FLNA: variants seen among roughly 807,000 people sequenced by gnomAD.
FLNA encodes filamin A.
A neutral mutation model predicts 157.6 loss-of-function variants in FLNA; 7 were observed. The observed-to-expected ratio is 0.04, with a 90% CI of 0.03 to 0.08. The LOEUF is 0.08. FLNA is among the 10% of genes least tolerant of loss of function. FLNA has a pLI of 1.00. For missense variants in FLNA, 1,750 were observed against 2,398.4 expected, an observed-to-expected ratio of 0.73 and a Z score of 5.65; for synonymous variants, 1,103 against 1,060.8, an observed-to-expected ratio of 1.04 and a Z score of -0.77.
In FLNA at chrX:154,352,992, A is replaced by T. The variant is rs1557176094; in HGVS notation, c.6226+9T>A. The T allele has an allele frequency of 1.7e-6, 2 of 1,208,833 alleles. No homozygotes were observed. The highest frequency in any genetic ancestry group is 3.5e-5 in the South Asian group (2 of 56,905). On this transcript the variant is annotated intron_variant, in intron 38 of 47. Transcript: ENST00000369850. Reference sequence around the variant, plus strand: ...CTCCCGCCCCAGCTGGTGGGCAGCCACTGCCTACCTGCATCGCGGGTATCA... The same window carrying T: ...CTCCCGCCCCAGCTGGTGGGCAGCCTCTGCCTACCTGCATCGCGGGTATCA...
Position 154,367,686 on chromosome X carries a change from C to A in FLNA, c.675G>T (p.Ala225=), listed in dbSNP as rs375532074. 2.5e-6 allele frequency: 3 copies of A among 1,211,386 alleles called. No homozygotes were observed. The South Asian group carries it at 5.3e-5, about 21-fold the overall frequency. Reference sequence around the variant, plus strand: ...CATCCGCCTGCTGCATGGCCTCTCGCGCATTGGTAACGGGCTTGCTGGCGT... The same window carrying A: ...CATCCGCCTGCTGCATGGCCTCTCGAGCATTGGTAACGGGCTTGCTGGCGT... The part of the protein sequence containing the change: ...SWDASKPVTN[A]REAMQQADDW... The change falls in exon 4 of 48, where the codon GCG becomes GCT. Residue 225 remains alanine (A), a synonymous_variant. Transcript: ENST00000369850.
Position 154,367,855 on chromosome X carries a change from G to A in FLNA, c.609C>T (p.Asp203=), listed in dbSNP as rs1290104856. 1.7e-6 allele frequency: 2 copies of A among 1,210,889 alleles called. No homozygotes were observed. Among genetic ancestry groups the A allele is most frequent in the East Asian group, 3.0e-5 (1 of 33,840 alleles). The part of the protein sequence containing the change: ...QSGRALGALV[D]SCAPGLCPDW... Reference sequence around the variant, plus strand: ...GCGCCCCCTCACCCGGGGCACAGCTGTCCACCAGGGCGCCCAGGGCCCGGC... The same window carrying A: ...GCGCCCCCTCACCCGGGGCACAGCTATCCACCAGGGCGCCCAGGGCCCGGC... The change falls in exon 3 of 48, where the codon GAC becomes GAT. Residue 203 remains aspartate (D), a synonymous_variant. Transcript: ENST00000369850.
chrX:154,365,771 G>C (rs2067753878), intron 9 of FLNA, among the ~76,000 whole-genome samples: 1 of 110,859 alleles, frequency 9.0e-6, no homozygotes, highest in Non-Finnish European at 1.9e-5. Flanking sequence ...AGAGCAGAGA[G>C]CAGCAGGTTT....
At chrX:154,370,330 G>A (rs1311910463) in intron 2 of FLNA, among the ~76,000 whole-genome samples, 1 of 110,890 alleles carries the variant, frequency 9.0e-6, no homozygotes, top group Non-Finnish European at 1.9e-5. Flanking sequence ...GTGTGTGTGT[G>A]GGGGGGTAGA....
intron 20 of FLNA, 36 bp from the exon 21 acceptor site, chrX:154,361,606 C>T: frequency 8.3e-7 from 1 of 1,210,911 alleles, no homozygotes; most frequent in Non-Finnish European, 1.1e-6. Context: ...AGAGACATGA[C>T]ACCCAGCTCA....
intron 38 of FLNA, 38 bp downstream of exon 38, chrX:154,352,963 A>C: frequency 8.3e-7 from 1 of 1,210,624 alleles, no homozygotes; most frequent in African/African-American, 1.7e-5. Flanking sequence ...TGCTATGCAC[A>C]GTGCTCCCGC....
At chrX:154,367,363 G>C (rs782566665) in intron 5 of FLNA, 34 bp downstream of exon 5, 1 of 1,202,147 alleles carries the variant, frequency 8.3e-7, no homozygotes, top group African/African-American at 1.7e-5. Flanking sequence ...GAAGACGTTG[G>C]CACACGGGTG....
intron 35 of FLNA, 26 bp from the exon 36 acceptor site, chrX:154,353,753 G>C (rs781994555): frequency 5.4e-5 from 65 of 1,202,717 alleles, no homozygotes; most frequent in Non-Finnish European, 7.2e-5. Flanking sequence ...GGTGAGCATG[G>C]GAACTATGCT....
At chrX:154,363,521 T>C (rs2067729793) in intron 15 of FLNA, among the ~76,000 whole-genome samples, 1 of 110,627 alleles carries the variant, frequency 9.0e-6, no homozygotes, top group African/African-American at 3.3e-5. Flanking sequence ...GACACCATCC[T>C]GGCTAACACA....
In FLNA at chrX:154,357,394, C is replaced by T. The variant is rs782304257; in HGVS notation, c.4945+40G>A. ...TTGCACACAGGCACAACCCAAGCCC[C>T]GTGCCGAGCGCCGCAGCGGCCAACA... On this transcript the variant is annotated intron_variant, in intron 29 of 47. Coordinates refer to ENST00000369850, the MANE Select transcript of FLNA (RefSeq NM_001110556.2). 6.7e-6 allele frequency: 8 copies of T among 1,197,968 alleles called. No individual in the cohort carries two copies. In the East Asian group the frequency reaches 8.9e-5, roughly 13 times the overall value.
At chrX:154,351,220 C>A (rs969709039) in intron 43 of FLNA, 179 bp from the exon 44 acceptor site, 14 of 503,464 alleles carry the variant, frequency 2.8e-5, no homozygotes, top group Non-Finnish European at 4.5e-5. Context: ...ACATCCCCGC[C>A]CCTGCCCCCA....
intron 30 of FLNA, among the ~76,000 whole-genome samples, chrX:154,356,383 C>T (rs782707982): frequency 8.9e-6 from 1 of 112,050 alleles, no homozygotes; most frequent in South Asian, 3.7e-4. Context: ...ACCCTCAAAG[C>T]CCCCAAGGCC....
At position 154,354,896 on chromosome X, in the gene FLNA, G is replaced by C. The variant is rs1557176613; in HGVS notation, c.5146C>G (p.Gln1716Glu). 8.3e-7 allele frequency: 1 copy of C among 1,211,812 alleles called. No individual in the cohort carries two copies. The highest frequency in any genetic ancestry group is 1.1e-6 in the Non-Finnish European group (1 of 895,437). ...ACACAGATGACGTATTTGCCCGGCT[G>C]GGGGGCCGTGTAGAAGATGTCGAAA... Reference protein sequence around the residue: ...GTFDIFYTAPQPGKYVICVRF... With the variant: ...GTFDIFYTAPEPGKYVICVRF... Residue 1716 changes from glutamine to glutamate, a missense_variant, in exon 31 of 48, where the codon CAG becomes GAG. Physicochemically the swap from Gln to Glu is conservative, Grantham distance 29. Around this residue, in one of 5 missense-constraint regions of FLNA, gnomAD observed 970 missense variants for 1,302.6 expected, o/e 0.74. Coordinates refer to ENST00000369850, the MANE Select transcript of FLNA (RefSeq NM_001110556.2).
Position 154,358,247 on chromosome X carries a change from G to A in FLNA, c.4707C>T (p.Thr1569=), listed in dbSNP as rs782648070. 3 of 1,211,210 alleles carry A rather than the reference G, an allele frequency of 2.5e-6. No homozygotes were observed. In the Admixed American group the frequency reaches 6.5e-5, roughly 26 times the overall value. Residue 1569 remains threonine (T), a synonymous_variant, in exon 28 of 48, where the codon ACC becomes ACT. Transcript: ENST00000369850. ...CCTCCCCGGCGTCCTTTGCATCGAT[G>A]GTGAACTCCACGGGCAGGCTGGCAG... The part of the protein sequence containing the change: ...GVPASLPVEF[T]IDAKDAGEGL...
At position 154,352,982 on chromosome X, in the gene FLNA, G is replaced by A. The variant is rs1557176090; in HGVS notation, c.6226+19C>T. 8.3e-7 allele frequency: 1 copy of A among 1,210,548 alleles called. No individual in the cohort carries two copies. The highest frequency in any genetic ancestry group is 1.1e-6 in the Non-Finnish European group (1 of 894,752). ...ATGCACAGTGCTCCCGCCCCAGCTGGTGGGCAGCCACTGCCTACCTGCATC... is the reference window on the plus strand; with the variant it reads ...ATGCACAGTGCTCCCGCCCCAGCTGATGGGCAGCCACTGCCTACCTGCATC... On this transcript the variant is annotated intron_variant, in intron 38 of 47. Transcript: ENST00000369850.
At chrX:154,371,854 G>A (rs1252106080) in intron 1 of FLNA, among the ~76,000 whole-genome samples, 4 of 113,459 alleles carry the variant, frequency 3.5e-5, no homozygotes, top group African/African-American at 1.3e-4. Context: ...CCGCCGGCCC[G>A]GCAGCGGCGG....
Position 154,352,669 on chromosome X carries a change from G to A in FLNA, c.6386C>T (p.Pro2129Leu). ...CTCGCCTGTCACCTTCACAGAGAAG[G>A]GGCTGCCTGCAGGAAGAAAGCACGG... is the stretch of plus-strand genomic sequence containing the variant. Reference protein sequence around the residue: ...KFADQHVPGSPFSVKVTGEGR... With the variant: ...KFADQHVPGSLFSVKVTGEGR... Residue 2129 changes from proline to leucine, a missense_variant, in exon 40 of 48, where the codon CCC becomes CTC. Physicochemically the swap from Pro to Leu is moderately conservative, Grantham distance 98. Around this residue, in one of 5 missense-constraint regions of FLNA, gnomAD observed 970 missense variants for 1,302.6 expected, o/e 0.74. Coordinates refer to ENST00000369850, the MANE Select transcript of FLNA (RefSeq NM_001110556.2). 1 of 1,211,916 alleles carries A rather than the reference G, an allele frequency of 8.3e-7. No individual in the cohort carries two copies. Among genetic ancestry groups the A allele is most frequent in the Non-Finnish European group, 1.1e-6 (1 of 895,620 alleles).
chrX:154,368,916 C>A (rs959869509), intron 2 of FLNA, among the ~76,000 whole-genome samples: 2 of 112,891 alleles, frequency 1.8e-5, no homozygotes, highest in Non-Finnish European at 3.8e-5. Flanking sequence ...TCGGCAGGCT[C>A]GCCACAGGGG....
In FLNA at chrX:154,366,292, G is replaced by T. The variant is rs2148117902; in HGVS notation, c.1228+16C>A. 1 of 1,211,533 alleles carries T rather than the reference G, an allele frequency of 8.3e-7. No individual in the cohort carries two copies. Among genetic ancestry groups the T allele is most frequent in the Non-Finnish European group, 1.1e-6 (1 of 895,381 alleles). On this transcript the variant is annotated intron_variant, in intron 8 of 47. Coordinates refer to ENST00000369850, the MANE Select transcript of FLNA (RefSeq NM_001110556.2). Reference sequence around the variant, plus strand: ...TCTCCCCACAGACCAGCTGGGCCTTGGCAGCCTCCCCTCACCTGCCGTAAA... The same window carrying T: ...TCTCCCCACAGACCAGCTGGGCCTTTGCAGCCTCCCCTCACCTGCCGTAAA...
Sources: gnomAD v4.1 joint callset for allele counts (sites outside exome capture counted in the v4.1 genomes callset) on GRCh38, gnomAD v4.1.1 for gene constraint, gnomAD v4.1.1 regional missense constraint, MANE v1.5 for transcripts, NCBI Gene and HGNC (gene_info 2026-07-23, HGNC 2026-07-21) for gene names.